EGFLAM: variants seen among roughly 807,000 people sequenced by gnomAD.
The protein encoded by EGFLAM is pikachurin.
A neutral mutation model predicts 113.1 loss-of-function variants in EGFLAM; 79 were observed. The observed-to-expected ratio is 0.70, with a 90% confidence interval of 0.58 to 0.84. EGFLAM has a LOEUF of 0.84. EGFLAM is among the 40% of genes least tolerant of loss of function. The pLI, the probability that EGFLAM is intolerant of heterozygous loss-of-function variation, is 0.00. For missense variants in EGFLAM, 1,265 were observed against 1,291.6 expected (o/e 0.98, Z 0.32); for synonymous variants, 504 against 487.6 (o/e 1.03, Z -0.44).
intron 1 of EGFLAM, among the ~76,000 whole-genome samples, chr5:38,298,017 G>A (rs933724959): frequency 3.3e-5 from 5 of 152,208 alleles, no homozygotes; most frequent in Non-Finnish European, 7.3e-5. Context: ...AGCACGTAAA[G>A]AACATCCTGG....
intron 6 of EGFLAM, among the ~76,000 whole-genome samples, chr5:38,388,403 T>C (rs556075924): frequency 4.8e-4 from 73 of 152,196 alleles, no homozygotes; most frequent in Non-Finnish European, 4.1e-4. Flanking sequence ...GAGGATTGCT[T>C]GAGCCCGGAA....
intron 2 of EGFLAM, among the ~76,000 whole-genome samples, chr5:38,337,911 T>C (rs1393010752): frequency 6.6e-6 from 1 of 152,162 alleles, no homozygotes; most frequent in Non-Finnish European, 1.5e-5. Context: ...CAGTTGCCTA[T>C]AGTCAAATCT....
chr5:38,315,658 ATT>A lies in EGFLAM; in HGVS notation c.98-21861_98-21860del, dbSNP rs1738574411. Among the ~76,000 whole-genome samples the A allele has an allele frequency of 2.0e-5, 3 of 152,318 alleles. 1 individual carries two copies. In the South Asian group the frequency reaches 6.2e-4, roughly 32 times the overall value. ...AGTGAGAGGCTGGTTTCTGACCTGG[ATT>A]CCTAGCTGTCACCTATGAGGTGTGT... is the stretch of plus-strand genomic sequence containing the variant. On this transcript the variant is annotated intron_variant, in intron 1 of 21. Transcript: ENST00000322350.
chr5:38,387,978 A>T (rs561694103), intron 6 of EGFLAM, among the ~76,000 whole-genome samples: 1 of 152,296 alleles, frequency 6.6e-6, no homozygotes, highest in South Asian at 2.1e-4. Flanking sequence ...ACTGTGGGAC[A>T]CTGATGGGAC....
chr5:38,297,146 T>A (rs1221819978), intron 1 of EGFLAM, among the ~76,000 whole-genome samples: 1 of 152,214 alleles, frequency 6.6e-6, no homozygotes, highest in East Asian at 1.9e-4. Flanking sequence ...AGTGGAAAAC[T>A]GGCAAAATTT....
At chr5:38,282,853 GT>G (rs541442786) in intron 1 of EGFLAM, among the ~76,000 whole-genome samples, 2 of 151,968 alleles carry the variant, frequency 1.3e-5, no homozygotes, top group Non-Finnish European at 2.9e-5. Context: ...TTGCTTGTTT[GT>G]TTTTTTCTGA....
chr5:38,435,403 C>G (rs1253626250), intron 16 of EGFLAM, 150 bp downstream of exon 16: 5 of 620,454 alleles, frequency 8.1e-6, no homozygotes, highest in African/African-American at 1.8e-5. Context: ...ATGCCCACAG[C>G]ATGGCTTTCC....
chr5:38,383,830 G>A (rs983827730), intron 6 of EGFLAM, among the ~76,000 whole-genome samples: 2 of 151,928 alleles, frequency 1.3e-5, no homozygotes, highest in Admixed American at 6.6e-5. Flanking sequence ...CCTCCACGTG[G>A]AGGGAGTGAC....
rs1579826214 is a variant in EGFLAM, at chr5:38,366,013, C to A, written c.546-4283C>A. 2.0e-5 allele frequency among the ~76,000 whole-genome samples: 3 copies of A among 152,190 alleles called. No individual in the cohort carries two copies. The East Asian group carries it at 5.8e-4, about 29-fold the overall frequency. On this transcript the variant is annotated intron_variant, in intron 5 of 21. Transcript: ENST00000322350. ...CAAAAGGTTTTCCTGCCATTGGCTT[C>A]TCTGTAAGAAACCACTGGGCCTCTT...
chr5:38,463,112 C>T lies in EGFLAM; in HGVS notation c.2875+101C>T. 3 of 1,136,986 alleles carry T rather than the reference C, an allele frequency of 2.6e-6. No homozygotes were observed. In the East Asian group the frequency reaches 7.6e-5, roughly 29 times the overall value. 70.4% of individuals were successfully genotyped at this position (1,136,986 alleles called of 1,614,324 possible). On this transcript the variant is annotated intron_variant, in intron 21 of 21. Transcript: ENST00000322350. Reference sequence around the variant, plus strand: ...GCTATGTACTTTGCTGGATCAAATACCTGTAAATCAGGAAGCCCTCCAGAT... The same window carrying T: ...GCTATGTACTTTGCTGGATCAAATATCTGTAAATCAGGAAGCCCTCCAGAT...
At chr5:38,371,667 C>T (rs1740224449) in intron 6 of EGFLAM, among the ~76,000 whole-genome samples, 2 of 152,016 alleles carry the variant, frequency 1.3e-5, no homozygotes, top group Admixed American at 6.6e-5. Flanking sequence ...CTCGTGCACC[C>T]TATAAGTACT....
intron 20 of EGFLAM, among the ~76,000 whole-genome samples, chr5:38,460,667 A>C (rs1743240832): frequency 1.3e-5 from 2 of 152,172 alleles, no homozygotes; most frequent in Admixed American, 1.3e-4. Flanking sequence ...GAACTAGATG[A>C]ATGGGAGGAT....
chr5:38,408,659 G>T (rs187417269), intron 9 of EGFLAM, among the ~76,000 whole-genome samples: 2 of 152,196 alleles, frequency 1.3e-5, no homozygotes, highest in Non-Finnish European at 2.9e-5. Flanking sequence ...AATAGAATTG[G>T]ATGTACACCA....
At chr5:38,436,815 T>C (rs1193888790) in intron 16 of EGFLAM, among the ~76,000 whole-genome samples, 2 of 152,180 alleles carry the variant, frequency 1.3e-5, no homozygotes, top group East Asian at 3.9e-4. Flanking sequence ...ACTTGCAGCC[T>C]GAAAGGGGGA....
intron 6 of EGFLAM, among the ~76,000 whole-genome samples, chr5:38,400,649 C>G (rs1188482233): frequency 6.6e-6 from 1 of 152,138 alleles, no homozygotes; most frequent in Non-Finnish European, 1.5e-5. Flanking sequence ...TTCCATCATG[C>G]TGTGACTGGT....
At chr5:38,458,489 A>C (rs1218343395) in intron 20 of EGFLAM, 95 bp downstream of exon 20, 1 of 1,241,852 alleles carries the variant, frequency 8.1e-7, no homozygotes, top group Non-Finnish European at 1.1e-6. Context: ...CTGTTCCCCA[A>C]CTTTGCCTGG....
At chr5:38,400,192 C>T (rs1040913118) in intron 6 of EGFLAM, among the ~76,000 whole-genome samples, 4 of 152,080 alleles carry the variant, frequency 2.6e-5, no homozygotes, top group South Asian at 2.1e-4. Flanking sequence ...GTATGACTAC[C>T]GATATTTCCA....
At chr5:38,438,484 C>T (rs376449526) in intron 17 of EGFLAM, 29 bp downstream of exon 17, 41 of 1,539,216 alleles carry the variant, frequency 2.7e-5, no homozygotes, top group Middle Eastern at 3.6e-4. Flanking sequence ...GGCACAGCTC[C>T]CTGGAGGGAG....
At position 38,435,753 on chromosome 5, in the gene EGFLAM, G is replaced by A. The variant is rs190005110; in HGVS notation, c.2283+500G>A. Among the ~76,000 whole-genome samples the A allele has an allele frequency of 3.9e-3, 571 of 145,646 alleles. 5 individuals are homozygous for A. The highest frequency in any genetic ancestry group is 3.6e-3 in the Middle Eastern group (1 of 280). ...GCATAGATTAAAGAGTTCTTCCCTA[G>A]AAGGTTCAGGAAAAAAACATTCAGT... On this transcript the variant is annotated intron_variant, in intron 16 of 21. Coordinates refer to ENST00000322350, the MANE Select transcript of EGFLAM (RefSeq NM_152403.4).
Sources: gnomAD v4.1 joint callset for allele counts (sites outside exome capture counted in the v4.1 genomes callset) on GRCh38, gnomAD v4.1.1 for gene constraint, MANE v1.5 for transcripts, NCBI Gene and HGNC (gene_info 2026-07-23, HGNC 2026-07-21) for gene names.